Variants in AKNAD1 observed in about 807,000 individuals in gnomAD.
AKNAD1 encodes the protein protein AKNAD1.
A neutral mutation model predicts 90.8 loss-of-function variants in AKNAD1; 67 were observed. That is an observed-to-expected ratio of 0.74 (90% CI 0.61 to 0.90). AKNAD1 has a LOEUF of 0.90. AKNAD1 is among the 40% of genes least tolerant of loss of function. The pLI, the probability that AKNAD1 is intolerant of heterozygous loss-of-function variation, is 0.00. For missense variants in AKNAD1, 957 were observed against 975.4 expected, an observed-to-expected ratio of 0.98 and a Z score of 0.25; for synonymous variants, 327 against 341.4, an observed-to-expected ratio of 0.96 and a Z score of 0.46.
At chr1:108,836,063 T>C (rs1259711231) in intron 7 of AKNAD1, among the ~76,000 whole-genome samples, 1 of 152,240 alleles carries the variant, frequency 6.6e-6, no homozygotes, top group East Asian at 1.9e-4. Context: ...GAATGAAGGA[T>C]GCCAGCACTA....
rs778418045 is a variant in AKNAD1 at position 108,851,818 on chromosome 1, C to G, written c.847G>C (p.Ala283Pro). 17 of 1,614,078 alleles carry G rather than the reference C, an allele frequency of 1.1e-5. No homozygotes were observed. Among genetic ancestry groups the G allele is most frequent in the South Asian group, 3.3e-5 (3 of 91,054 alleles). The change falls in exon 2 of 16, where the codon GCT becomes CCT. Residue 283 changes from alanine (A) to proline (P), a missense_variant. By Grantham distance (27) the Ala-to-Pro change is conservative (BLOSUM62 -1). Transcript: ENST00000370001. ...NKIINKPLAI[A>P]KQASFSSKSR... is the part of the protein sequence containing the mutation. ...TTGGAAGAAAAGCTGGCTTGTTTAG[C>G]TATTGCAAGTGGTTTATTAATTATC...
At position 108,851,573 on chromosome 1, in the gene AKNAD1, G is replaced by C. The variant is rs2101218203; in HGVS notation, c.993+99C>G. On this transcript the variant is annotated intron_variant, in intron 2 of 15. Coordinates refer to ENST00000370001, the MANE Select transcript of AKNAD1 (RefSeq NM_152763.5). ...GACCCAGGGTGCTGAATGAAACTTT[G>C]GAACTAGAACCAAGCTCTATTCACC... is the stretch of plus-strand genomic sequence containing the variant. The C allele has an allele frequency of 1.1e-5, 13 of 1,220,168 alleles. No homozygotes were observed. The East Asian group carries it at 3.1e-4, about 29-fold the overall frequency. The allele number at this position is 1,220,168 out of a possible 1,614,324, so 75.6% of individuals were successfully genotyped here. A position where few individuals can be genotyped will look rare whatever the true frequency, so the allele number is the denominator to read the frequency against.
intron 4 of AKNAD1, 34 bp from the exon 5 acceptor site, chr1:108,848,848 G>A (rs769178430): frequency 7.5e-6 from 12 of 1,604,980 alleles, no homozygotes; most frequent in Non-Finnish European, 9.3e-6. Context: ...CTCATTAATG[G>A]CATGGTTTCT....
chr1:108,825,467 A>T (rs914262241), intron 11 of AKNAD1, among the ~76,000 whole-genome samples: 3 of 151,756 alleles, frequency 2.0e-5, no homozygotes, highest in Admixed American at 1.3e-4. Flanking sequence ...TGTGACATAC[A>T]CTGGCAACAG....
chr1:108,842,758 G>C (rs1335889136), intron 6 of AKNAD1, among the ~76,000 whole-genome samples: 1 of 152,092 alleles, frequency 6.6e-6, no homozygotes, highest in Non-Finnish European at 1.5e-5. Context: ...GGAGAGGAGA[G>C]GAGGAACTTG....
upstream of AKNAD1, chr1:108,858,219 T>C (rs1665102611): frequency 6.6e-6 from 1 of 152,576 alleles, no homozygotes; most frequent in Non-Finnish European, 1.5e-5. Flanking sequence ...ATGGCGTGCC[T>C]GCTTCTTCTG....
intron 10 of AKNAD1, among the ~76,000 whole-genome samples, chr1:108,828,386 C>T (rs945058355): frequency 6.6e-6 from 1 of 151,782 alleles, no homozygotes; most frequent in Non-Finnish European, 1.5e-5. Flanking sequence ...CCTCAGAAAT[C>T]CCAACTCCTC....
chr1:108,851,897 G>A lies in AKNAD1; in HGVS notation c.768C>T (p.Tyr256=). The change falls in exon 2 of 16, where the codon TAC becomes TAT. Residue 256 remains tyrosine (Y), a synonymous_variant. Coordinates refer to ENST00000370001, the MANE Select transcript of AKNAD1 (RefSeq NM_152763.5). ...CAATCTTAGAGAAATCAGGGAGCTGGTAATGAACTTGACCTTGGCCGTATT... is the reference window on the plus strand; with the variant it reads ...CAATCTTAGAGAAATCAGGGAGCTGATAATGAACTTGACCTTGGCCGTATT... ...TFKYGQGQVH[Y]QLPDFSKIAP... is the part of the protein sequence containing the mutation. 2 of 1,614,136 alleles carry A rather than the reference G, an allele frequency of 1.2e-6. No individual in the cohort carries two copies. Among genetic ancestry groups the A allele is most frequent in the Non-Finnish European group, 8.5e-7 (1 of 1,180,002 alleles).
chr1:108,851,233 G>C (rs537346540), intron 2 of AKNAD1, among the ~76,000 whole-genome samples: 2 of 152,292 alleles, frequency 1.3e-5, no homozygotes, highest in East Asian at 3.9e-4. Flanking sequence ...TTGTGACTTA[G>C]GAGACCTGAA....
Position 108,823,448 on chromosome 1 carries a change from G to A in AKNAD1, c.2089C>T (p.Gln697Ter). The A allele has an allele frequency of 1.9e-6, 3 of 1,614,128 alleles. No homozygotes were observed. Among genetic ancestry groups the A allele is most frequent in the Non-Finnish European group, 2.5e-6 (3 of 1,179,964 alleles). ...EFHYRYNTPGQNYSNHSKRGA... is the reference protein window; with the variant it reads ...EFHYRYNTPG ...CTTTTGCTATGATTTGAGTAATTCT[G>A]TCCTGGAGTGTTGTATCTATAATGA... The change falls in exon 13 of 16, where the codon CAG becomes TAG. Residue 697 changes from glutamine (Q) to a stop codon, truncating the protein, a stop_gained. Transcript: ENST00000370001. LOFTEE classifies it high-confidence loss of function.
At chr1:108,816,402 G>C in intron 15 of AKNAD1, 100 bp from the exon 16 acceptor site, 2 of 1,295,756 alleles carry the variant, frequency 1.5e-6, no homozygotes, top group Non-Finnish European at 2.1e-6. Flanking sequence ...GGAATTTGGG[G>C]AGTATTCCTG....
Position 108,816,143 on chromosome 1 carries a change from T to C in AKNAD1, c.*28A>G, listed in dbSNP as rs2101149626. On this transcript the variant is annotated 3_prime_UTR_variant, in exon 16 of 16. Coordinates refer to ENST00000370001, the MANE Select transcript of AKNAD1 (RefSeq NM_152763.5). ...TCAAGTTTTCTTTGCATTTTTTTCT[T>C]TTGAATCCTTGGTAGCCTAGCGTTG... The C allele has an allele frequency of 6.5e-7, 1 of 1,549,366 alleles. No individual in the cohort carries two copies. The highest frequency in any genetic ancestry group is 2.2e-5 in the Admixed American group (1 of 46,374).
chr1:108,838,965 T>C (rs1664457403), intron 6 of AKNAD1, among the ~76,000 whole-genome samples: 1 of 152,140 alleles, frequency 6.6e-6, no homozygotes, highest in Non-Finnish European at 1.5e-5. Context: ...TTAAAAAAAA[T>C]TTCAATGTCT....
chr1:108,833,259 G>GA (rs1411851899), intron 9 of AKNAD1, among the ~76,000 whole-genome samples: 1 of 151,982 alleles, frequency 6.6e-6, no homozygotes, highest in Admixed American at 6.6e-5. Flanking sequence ...ATATATAGGA[G>GA]AAAAAAAGAC....
At chr1:108,819,369 A>G (rs1167757621) in intron 14 of AKNAD1, among the ~76,000 whole-genome samples, 1 of 151,966 alleles carries the variant, frequency 6.6e-6, no homozygotes, top group Non-Finnish European at 1.5e-5. Context: ...CTGTAATCCC[A>G]GTGCTTTGGG....
In AKNAD1 at chr1:108,841,613, G is replaced by A. The variant is rs185708340; in HGVS notation, c.1379+1521C>T. ...GAGCACAGCAGGTGATGTAAACAAAGGACTAGTCAATGAATTTGCAGAATT... is the reference window on the plus strand; with the variant it reads ...GAGCACAGCAGGTGATGTAAACAAAAGACTAGTCAATGAATTTGCAGAATT... On this transcript the variant is annotated intron_variant, in intron 6 of 15. Coordinates refer to ENST00000370001, the MANE Select transcript of AKNAD1 (RefSeq NM_152763.5). Among the ~76,000 whole-genome samples, 276 of 152,244 alleles carry A rather than the reference G, an allele frequency of 1.8e-3. 1 individual carries two copies. Among genetic ancestry groups the A allele is most frequent in the Non-Finnish European group, 2.7e-3 (187 of 68,012 alleles).
In AKNAD1 at chr1:108,849,063, A is replaced by G. The variant is rs762920639; in HGVS notation, c.1034-3T>C. On this transcript the variant is annotated splice_region_variant and splice_polypyrimidine_tract_variant and intron_variant, in intron 3 of 15. Coordinates refer to ENST00000370001, the MANE Select transcript of AKNAD1 (RefSeq NM_152763.5). ...GAGACTTGCCTCAGATTCTATTCCTATACAAGAAAGAACACATTTGGGCTA... is the reference window on the plus strand; with the variant it reads ...GAGACTTGCCTCAGATTCTATTCCTGTACAAGAAAGAACACATTTGGGCTA... 1.9e-6 allele frequency: 3 copies of G among 1,581,054 alleles called. No individual in the cohort carries two copies. The highest frequency in any genetic ancestry group is 2.7e-5 in the African/African-American group (2 of 73,382).
chr1:108,830,771 C>T (rs1664172540), intron 9 of AKNAD1, 121 bp from the exon 10 acceptor site: 7 of 827,546 alleles, frequency 8.5e-6, no homozygotes, highest in Middle Eastern at 2.9e-4. Flanking sequence ...GGCAGAGAGA[C>T]TCGCCAAACC....
In AKNAD1 at chr1:108,846,897, C is replaced by T. The variant is rs138112176; in HGVS notation, c.1245+1855G>A. Among the ~76,000 whole-genome samples, 48 of 152,088 alleles carry T rather than the reference C, an allele frequency of 3.2e-4. No homozygotes were observed. In the East Asian group the frequency reaches 6.8e-3, roughly 22 times the overall value. ...GCTTGCCTTCCACACCCATTCTAAA[C>T]GGGATCCTCTACTTTTATTCCTGAC... is the stretch of plus-strand genomic sequence containing the variant. On this transcript the variant is annotated intron_variant, in intron 5 of 15. Coordinates refer to ENST00000370001, the MANE Select transcript of AKNAD1 (RefSeq NM_152763.5).
Sources: allele counts gnomAD v4.1 joint callset (sites outside exome capture counted in the v4.1 genomes callset), GRCh38; gene constraint gnomAD v4.1.1; transcripts MANE v1.5; gene names NCBI Gene and HGNC (gene_info 2026-07-23, HGNC 2026-07-21).